Variants in NAALADL2 observed in about 807,000 individuals in gnomAD.
The protein encoded by NAALADL2 is N-acetylated alpha-linked acidic dipeptidase like 2.
NAALADL2 carries 76 observed loss-of-function variants against 87.2 expected under a neutral mutation model. The observed-to-expected ratio is 0.87, with a 90% confidence interval of 0.72 to 1.05. NAALADL2 has a LOEUF of 1.05. Among genes scored for constraint, NAALADL2 ranks in the 50% least tolerant of loss-of-function variants. NAALADL2 has a pLI of 0.00. For synonymous variants in NAALADL2, 354 were observed against 331.0 expected, an observed-to-expected ratio of 1.07 and a Z score of -0.75; for missense variants, 1,089 against 945.8, an observed-to-expected ratio of 1.15 and a Z score of -1.99.
At chr3:175,272,458 T>C (rs776274539) in intron 4 of NAALADL2, among the ~76,000 whole-genome samples, 2 of 152,126 alleles carry the variant, frequency 1.3e-5, no homozygotes, top group Non-Finnish European at 2.9e-5. Context: ...ATTGGTTTAG[T>C]GGAACTGATT....
At chr3:174,947,624 G>GA (rs1192465067) in intron 1 of NAALADL2, among the ~76,000 whole-genome samples, 5 of 150,750 alleles carry the variant, frequency 3.3e-5, no homozygotes, top group African/African-American at 9.7e-5. Flanking sequence ...TTATTCTTGG[G>GA]AAAAAAAACA....
chr3:174,496,352 C>T (rs1298817778), intron 1 of NAALADL2, among the ~76,000 whole-genome samples: 2 of 151,966 alleles, frequency 1.3e-5, no homozygotes, highest in Non-Finnish European at 2.9e-5. Flanking sequence ...ATTTTTGGCT[C>T]ATTTCTTAGA....
intron 2 of NAALADL2, among the ~76,000 whole-genome samples, chr3:174,608,972 A>G (rs1037918275): frequency 7.9e-5 from 12 of 151,716 alleles, no homozygotes; most frequent in South Asian, 6.3e-4. Flanking sequence ...ACCATGATCA[A>G]GTGGGCTTCA....
chr3:175,737,714 GTTTTTTTTTTTT>G (rs71164650), intron 12 of NAALADL2, among the ~76,000 whole-genome samples: 9 of 54,738 alleles, frequency 1.6e-4, no homozygotes, highest in South Asian at 1.7e-3. Flanking sequence ...CAATGATCCA[GTTTTTTTTTTTT>G]TTTTTTTTTT....
chr3:174,787,042 AATTATTAT>A (rs147004915), intron 3 of NAALADL2, among the ~76,000 whole-genome samples: 39,803 of 151,196 alleles, frequency 0.26, 5,432 homozygotes, highest in East Asian at 0.41. Context: ...CAATATAATA[AATTATTAT>A]ATTATTATAT....
At chr3:175,771,911 G>C (rs1749538771) in intron 13 of NAALADL2, among the ~76,000 whole-genome samples, 1 of 152,078 alleles carries the variant, frequency 6.6e-6, no homozygotes, top group South Asian at 2.1e-4. Context: ...CAGCAAAAGA[G>C]GGAAAAGGCC....
chr3:174,758,921 A>T (rs1387021081), intron 3 of NAALADL2, among the ~76,000 whole-genome samples: 2 of 152,168 alleles, frequency 1.3e-5, no homozygotes, highest in Non-Finnish European at 2.9e-5. Context: ...CCTTATCCAG[A>T]CTGTTTTTTA....
chr3:174,902,423 A>G (rs946547737), intron 1 of NAALADL2, among the ~76,000 whole-genome samples: 12 of 152,084 alleles, frequency 7.9e-5, no homozygotes, highest in African/African-American at 2.9e-4. Flanking sequence ...TATTAATGTA[A>G]TTATTACATA....
chr3:175,627,897 C>T (rs1727211731), intron 11 of NAALADL2, among the ~76,000 whole-genome samples: 1 of 151,630 alleles, frequency 6.6e-6, no homozygotes, highest in Admixed American at 6.6e-5. Context: ...TGGACCTTTG[C>T]ATTTTTCTGT....
intron 2 of NAALADL2, among the ~76,000 whole-genome samples, chr3:175,225,472 G>T (rs1325534168): frequency 6.6e-6 from 1 of 151,926 alleles, no homozygotes; most frequent in Non-Finnish European, 1.5e-5. Flanking sequence ...CTTTTAAAAC[G>T]CTTAATTTTT....
At chr3:175,520,013 G>A (rs946631581) in intron 9 of NAALADL2, among the ~76,000 whole-genome samples, 2 of 152,082 alleles carry the variant, frequency 1.3e-5, no homozygotes, top group Non-Finnish European at 2.9e-5. Context: ...TTATCTGTGG[G>A]TTTTAATTAT....
chr3:175,697,422 C>CACACACACACACAT (rs1295119684), intron 11 of NAALADL2, among the ~76,000 whole-genome samples: 1 of 151,634 alleles, frequency 6.6e-6, no homozygotes, highest in African/African-American at 2.4e-5. Flanking sequence ...CACACACACA[C>CACACACACACACAT]ACACACACAC....
intron 3 of NAALADL2, among the ~76,000 whole-genome samples, chr3:174,808,599 T>C (rs1411294909): frequency 6.6e-6 from 1 of 152,170 alleles, no homozygotes; most frequent in Non-Finnish European, 1.5e-5. Flanking sequence ...CATGCTGAGA[T>C]TCCCATCTTT....
At chr3:175,127,329 T>C (rs969484018) in intron 2 of NAALADL2, among the ~76,000 whole-genome samples, 1 of 152,172 alleles carries the variant, frequency 6.6e-6, no homozygotes, top group African/African-American at 2.4e-5. Flanking sequence ...GAATCTGTTC[T>C]TCTCCTATAA....
chr3:174,798,908 G>A (rs9811492), intron 3 of NAALADL2, among the ~76,000 whole-genome samples: 8,337 of 152,070 alleles, frequency 0.055, 257 homozygotes, highest in Middle Eastern at 0.099. Flanking sequence ...GGTGGCTCAC[G>A]CCTGTAATCC....
chr3:175,267,255 T>C (rs987968906), intron 4 of NAALADL2, among the ~76,000 whole-genome samples: 1 of 152,106 alleles, frequency 6.6e-6, no homozygotes, highest in African/African-American at 2.4e-5. Context: ...ACTAAATACG[T>C]AGGATTTTTC....
chr3:174,513,214 C>T (rs373116949), intron 1 of NAALADL2, among the ~76,000 whole-genome samples: 8 of 152,246 alleles, frequency 5.3e-5, no homozygotes, highest in African/African-American at 1.9e-4. Flanking sequence ...CCTGCCTTGG[C>T]CTCCTGAAGT....
rs563023604 is a variant in NAALADL2, at chr3:174,707,383, C to G, written c.-114-30258C>G. Among the ~76,000 whole-genome samples the G allele has an allele frequency of 1.9e-3, 285 of 152,138 alleles. 2 individuals are homozygous for G. The highest frequency in any genetic ancestry group is 6.6e-3 in the African/African-American group (275 of 41,498). On this transcript the variant is annotated intron_variant, in intron 2 of 3. Coordinates refer to the NAALADL2 transcript ENST00000434257. ...GTGGCAATATTCACAATAGCAAAGA[C>G]TTGGAACCAACCCAAATGTCCAACA...
chr3:174,955,687 GC>G lies in NAALADL2; in HGVS notation c.43+96238del, dbSNP rs200252181. On this transcript the variant is annotated intron_variant, in intron 1 of 13. Transcript: ENST00000454872. Reference sequence around the variant, plus strand: ...TCAGAGCCTGAGGCTACTGGCTTCTGCAGCAGATTGCCCCCATAGGTAATAG... The same window carrying G: ...TCAGAGCCTGAGGCTACTGGCTTCTGAGCAGATTGCCCCCATAGGTAATAG... Among the ~76,000 whole-genome samples, 804 of 152,176 alleles carry G rather than the reference GC, an allele frequency of 5.3e-3. 2 individuals are homozygous for G. Among genetic ancestry groups the G allele is most frequent in the Middle Eastern group, 0.017 (5 of 294 alleles).
Sources: gnomAD v4.1 joint callset for allele counts (sites outside exome capture counted in the v4.1 genomes callset) on GRCh38, gnomAD v4.1.1 for gene constraint, MANE v1.5 for transcripts, NCBI Gene and HGNC (gene_info 2026-07-23, HGNC 2026-07-21) for gene names.